Variants in KCNB2 observed in about 807,000 individuals in gnomAD.
The protein encoded by KCNB2 is delayed rectifier potassium channel protein.
Under a neutral mutation model 61.5 loss-of-function variants are expected in KCNB2, and 15 were observed. The ratio of observed to expected loss-of-function variants is 0.24; its 90% CI spans 0.16 to 0.38. KCNB2 has a LOEUF of 0.38. KCNB2 is among the 10% of genes least tolerant of loss of function. The pLI is 1.00. For synonymous variants in KCNB2, 457 were observed against 446.0 expected (o/e 1.02, Z -0.31); for missense variants, 828 against 1,125.2 (o/e 0.74, Z 3.78).
chr8:72,783,244 A>G (rs1808792931), intron 2 of KCNB2, among the ~76,000 whole-genome samples: 1 of 152,144 alleles, frequency 6.6e-6, no homozygotes, highest in African/African-American at 2.4e-5. Context: ...TATTCCTTAC[A>G]TAATAGCCAT....
At position 72,622,516 on chromosome 8, in the gene KCNB2, G is replaced by A. The variant is rs1221755651; in HGVS notation, c.579+54203G>A. 5.3e-5 allele frequency among the ~76,000 whole-genome samples: 8 copies of A among 152,224 alleles called. No homozygotes were observed. In the East Asian group the frequency reaches 5.8e-4, roughly 11 times the overall value. ...TCTTCGTACAGCTGCACAGTGAGAT[G>A]GGGATGAAAGCCCTTTTTCTGTGTC... On this transcript the variant is annotated intron_variant, in intron 2 of 2. Coordinates refer to ENST00000523207, the MANE Select transcript of KCNB2 (RefSeq NM_004770.3).
intron 1 of KCNB2, among the ~76,000 whole-genome samples, chr8:72,539,930 A>G (rs948517020): frequency 6.6e-6 from 1 of 152,178 alleles, no homozygotes; most frequent in Non-Finnish European, 1.5e-5. Flanking sequence ...TATGATAATA[A>G]AAGTGAGATT....
At chr8:72,566,473 G>A (rs1041632401) in intron 1 of KCNB2, among the ~76,000 whole-genome samples, 2 of 151,918 alleles carry the variant, frequency 1.3e-5, no homozygotes, top group Admixed American at 6.6e-5. Flanking sequence ...GCCAAGGCCA[G>A]CGGATTGCTT....
chr8:72,639,827 T>C (rs1806025645), intron 2 of KCNB2, among the ~76,000 whole-genome samples: 2 of 151,946 alleles, frequency 1.3e-5, no homozygotes, highest in South Asian at 4.2e-4. Flanking sequence ...ATCTAATGGA[T>C]AGCCAGGGTT....
chr8:72,791,406 A>G (rs1808940694), intron 2 of KCNB2, among the ~76,000 whole-genome samples: 2 of 152,150 alleles, frequency 1.3e-5, no homozygotes, highest in Non-Finnish European at 1.5e-5. Context: ...AAAATTAGCC[A>G]AGCATGGTGA....
chr8:72,561,544 C>T (rs185089752), intron 1 of KCNB2, among the ~76,000 whole-genome samples: 75 of 150,460 alleles, frequency 5.0e-4, no homozygotes, highest in African/African-American at 1.8e-3. Context: ...ACAAGGACAG[C>T]ATTTCAGTTA....
Position 72,679,810 on chromosome 8 carries a change from A to G in KCNB2, c.579+111497A>G, listed in dbSNP as rs996062197. ...TCTCTGGACAGCAGCAGCACTGACC[A>G]TCCTTGTTAGATGTGACTCTAGCAA... On this transcript the variant is annotated intron_variant, in intron 2 of 2. Coordinates refer to ENST00000523207, the MANE Select transcript of KCNB2 (RefSeq NM_004770.3). Among the ~76,000 whole-genome samples the G allele has an allele frequency of 2.4e-4, 36 of 152,192 alleles. 1 individual carries two copies. Among genetic ancestry groups the G allele is most frequent in the Non-Finnish European group, 4.7e-4 (32 of 68,024 alleles).
rs1219400752 is a variant in KCNB2 at position 72,590,376 on chromosome 8, T to C, written c.579+22063T>C. 3.3e-5 allele frequency among the ~76,000 whole-genome samples: 5 copies of C among 152,194 alleles called. No homozygotes were observed. The East Asian group carries it at 9.7e-4, about 29-fold the overall frequency. On this transcript the variant is annotated intron_variant, in intron 2 of 2. Transcript: ENST00000523207. ...TGCCTTTTTTTTTCTTTTTAGCTCC[T>C]CTCTGAAAGAACATTGGAATCAAAA...
intron 2 of KCNB2, among the ~76,000 whole-genome samples, chr8:72,704,915 A>G (rs764313899): frequency 2.0e-5 from 3 of 152,120 alleles, no homozygotes; most frequent in Non-Finnish European, 4.4e-5. Flanking sequence ...TACAATGTAA[A>G]TGTTATGTAA....
At chr8:72,856,867 T>C (rs1258833045) in intron 2 of KCNB2, among the ~76,000 whole-genome samples, 1 of 152,188 alleles carries the variant, frequency 6.6e-6, no homozygotes, top group Non-Finnish European at 1.5e-5. Flanking sequence ...CTTTTCTCGA[T>C]TGGTCAATTT....
chr8:72,725,527 A>G (rs1373335536), intron 2 of KCNB2, among the ~76,000 whole-genome samples: 135 of 90,994 alleles, frequency 1.5e-3, no homozygotes, highest in African/African-American at 5.8e-3. Flanking sequence ...ATATATATAT[A>G]TATATATATA....
chr8:72,600,035 T>C (rs1390061411), intron 2 of KCNB2, among the ~76,000 whole-genome samples: 8 of 152,324 alleles, frequency 5.3e-5, no homozygotes, highest in Non-Finnish European at 1.0e-4. Flanking sequence ...GTCAGTGTGG[T>C]GATTCCTCAA....
At chr8:72,738,027 T>C (rs1478439913) in intron 2 of KCNB2, among the ~76,000 whole-genome samples, 1 of 152,160 alleles carries the variant, frequency 6.6e-6, no homozygotes, top group Non-Finnish European at 1.5e-5. Flanking sequence ...ATATCAAAAA[T>C]ATACCCGTTT....
At chr8:72,813,548 C>T (rs1217100472) in intron 2 of KCNB2, among the ~76,000 whole-genome samples, 1 of 151,416 alleles carries the variant, frequency 6.6e-6, no homozygotes, top group Non-Finnish European at 1.5e-5. Flanking sequence ...CAAAGGTAAA[C>T]TTTGTCAAAT....
intron 2 of KCNB2, among the ~76,000 whole-genome samples, chr8:72,817,398 G>A (rs1809419021): frequency 6.6e-6 from 1 of 152,128 alleles, no homozygotes; most frequent in South Asian, 2.1e-4. Context: ...TAATCAGAAA[G>A]AGACATAGCA....
chr8:72,863,658 T>A (rs571780803), intron 2 of KCNB2, among the ~76,000 whole-genome samples: 46 of 152,290 alleles, frequency 3.0e-4, no homozygotes, highest in African/African-American at 1.0e-3. Context: ...TCTGAGACAG[T>A]AACAGAGCCC....
chr8:72,844,834 T>A (rs887923631), intron 2 of KCNB2, among the ~76,000 whole-genome samples: 1 of 152,220 alleles, frequency 6.6e-6, no homozygotes, highest in African/African-American at 2.4e-5. Context: ...AGTTAGCAAT[T>A]TCTCCAACCT....
chr8:72,907,394 T>A lies in KCNB2; in HGVS notation c.580-28541T>A, dbSNP rs761186579. Among the ~76,000 whole-genome samples, 31 of 151,028 alleles carry A rather than the reference T, an allele frequency of 2.1e-4. 1 individual carries two copies. The highest frequency in any genetic ancestry group is 4.4e-4 in the Non-Finnish European group (30 of 67,708). ...CAAAAACAAAAACAAAAAACCACACTCACACGCACACACAACTATTTAAAA... is the reference window on the plus strand; with the variant it reads ...CAAAAACAAAAACAAAAAACCACACACACACGCACACACAACTATTTAAAA... On this transcript the variant is annotated intron_variant, in intron 2 of 2. Transcript: ENST00000523207.
chr8:72,819,552 G>C (rs890619448), intron 2 of KCNB2, among the ~76,000 whole-genome samples: 5 of 151,968 alleles, frequency 3.3e-5, no homozygotes, highest in Admixed American at 1.3e-4. Context: ...ATAGGAATAG[G>C]AATCAATAGG....
Sources: gnomAD v4.1 joint callset for allele counts (sites outside exome capture counted in the v4.1 genomes callset) on GRCh38, gnomAD v4.1.1 for gene constraint, MANE v1.5 for transcripts, NCBI Gene and HGNC (gene_info 2026-07-23, HGNC 2026-07-21) for gene names.